The following DEPDC1 variants were observed in gnomAD, a reference collection of about 807,000 sequenced individuals.
DEPDC1 encodes DEP domain-containing protein 1A.
In DEPDC1, 66 loss-of-function variants were observed where a neutral mutation model predicts 86.8. The ratio of observed to expected loss-of-function variants is 0.76; its 90% CI spans 0.62 to 0.93. The LOEUF is 0.93. DEPDC1 is among the 40% of genes least tolerant of loss of function. The probability of loss-of-function intolerance (pLI) is 0.00; values close to 1 mark genes in which losing one functional copy is unlikely to be tolerated. For missense variants in DEPDC1, 792 were observed against 935.7 expected (o/e 0.85, Z 2.00); for synonymous variants, 255 against 314.9 (o/e 0.81, Z 2.02).
chr1:68,495,785 C>A (rs1001501707), intron 1 of DEPDC1, among the ~76,000 whole-genome samples: 5 of 152,140 alleles, frequency 3.3e-5, no homozygotes, highest in African/African-American at 1.2e-4. Flanking sequence ...ATCTCCTTAA[C>A]CACAAAACAG....
At position 68,481,467 on chromosome 1, in the gene DEPDC1, A is replaced by G; in HGVS notation, c.1908T>C (p.Leu636=). The change falls in exon 9 of 12, where the codon CTT becomes CTC. Residue 636 remains leucine (L), a synonymous_variant. Transcript: ENST00000456315. ...GTGACCTCGTACCCATTGCATCATG[A>G]AGTTTGGGCATATCAACATTTTGAC... The part of the protein sequence containing the change: ...RMSQNVDMPK[L]HDAMGTRSLM... The G allele has an allele frequency of 6.2e-7, 1 of 1,612,326 alleles. No homozygotes were observed. Among genetic ancestry groups the G allele is most frequent in the South Asian group, 1.1e-5 (1 of 90,980 alleles).
chr1:68,477,047 A>G lies in DEPDC1; in HGVS notation c.2321T>C (p.Ile774Thr). 6.2e-7 allele frequency: 1 copy of G among 1,606,484 alleles called. No individual in the cohort carries two copies. The highest frequency in any genetic ancestry group is 1.3e-5 in the African/African-American group (1 of 74,770). The change falls in exon 12 of 12, where the codon ATA becomes ACA. Residue 774 changes from isoleucine to threonine, a missense_variant. Ile to Thr is a moderately conservative substitution (Grantham distance 89, BLOSUM62 -1). Coordinates refer to ENST00000456315, the MANE Select transcript of DEPDC1 (RefSeq NM_001114120.3). The stretch of plus-strand genomic sequence containing the variant: ...CGTGGTTGGAAATCTTTTCTGATAT[A>G]TCAAAGGATATTCCTTCTGAAACTT... ...LKQFQKEYPL[I>T]YQKRFPTTES...
Position 68,482,900 on chromosome 1 carries a change from AC to A in DEPDC1, c.911-4del. The A allele has an allele frequency of 6.5e-7, 1 of 1,548,052 alleles. No homozygotes were observed. The highest frequency in any genetic ancestry group is 8.7e-7 in the Non-Finnish European group (1 of 1,152,432). ...AACTGTGATGTAGCCACAAACAACT[AC>A]CAGGAAATGAAACAAAAATTAAGAT... On this transcript the variant is annotated splice_region_variant and splice_polypyrimidine_tract_variant and intron_variant, in intron 7 of 11. Coordinates refer to ENST00000456315, the MANE Select transcript of DEPDC1 (RefSeq NM_001114120.3).
intron 6 of DEPDC1, 57 bp downstream of exon 6, chr1:68,486,880 T>C (rs1221012234): frequency 3.2e-6 from 4 of 1,245,642 alleles, no homozygotes; most frequent in Non-Finnish European, 4.1e-6. Flanking sequence ...ACTATCAATA[T>C]AACACACACA....
intron 2 of DEPDC1, among the ~76,000 whole-genome samples, chr1:68,492,527 T>C (rs1646236863): frequency 6.6e-6 from 1 of 151,776 alleles, no homozygotes; most frequent in African/African-American, 2.4e-5. Context: ...GGCAACATAG[T>C]GAAACCCCGT....
In DEPDC1 at chr1:68,496,807, C is replaced by T. The variant is rs1646268966; in HGVS notation, c.48+145G>A. On this transcript the variant is annotated intron_variant, in intron 1 of 11. Coordinates refer to ENST00000456315, the MANE Select transcript of DEPDC1 (RefSeq NM_001114120.3). The surrounding 1 kb of genome is among the most constrained non-coding windows in gnomAD (Gnocchi z 4.0). ...CAAGGGTTGCATACCCGCTACTTCT[C>T]CTCGCCAGCCTTTTCACTGAACCTA... 1.3e-6 allele frequency: 1 copy of T among 790,516 alleles called. No individual in the cohort carries two copies. The allele number at this position is 790,516 out of a possible 1,614,324, so 49.0% of individuals were successfully genotyped here.
chr1:68,486,542 T>G (rs1646193803), intron 6 of DEPDC1, among the ~76,000 whole-genome samples: 1 of 151,858 alleles, frequency 6.6e-6, no homozygotes, highest in Non-Finnish European at 1.5e-5. Flanking sequence ...TAACATAAAG[T>G]CACATTAATA....
At position 68,475,333 on chromosome 1, in the gene DEPDC1, C is replaced by T. The variant is rs1252488849; in HGVS notation, c.*1599G>A. 2 of 151,724 alleles carry T rather than the reference C, an allele frequency of 1.3e-5. No individual in the cohort carries two copies. The highest frequency in any genetic ancestry group is 2.9e-5 in the Non-Finnish European group (2 of 67,800). 9.4% of individuals were successfully genotyped at this position (151,724 alleles called of 1,614,324 possible). The stretch of plus-strand genomic sequence containing the variant: ...AGCAAAATTATATTGTTACAAAACC[C>T]CAAATAATTTTAATCTCAATTTGCA... On this transcript the variant is annotated 3_prime_UTR_variant, in exon 12 of 12. Transcript: ENST00000456315.
chr1:68,484,954 A>AT (rs1553156029), intron 6 of DEPDC1, among the ~76,000 whole-genome samples: 1 of 150,868 alleles, frequency 6.6e-6, no homozygotes, highest in African/African-American at 2.4e-5. Flanking sequence ...ATATATATAT[A>AT]TTTTTTAAAG....
Position 68,482,426 on chromosome 1 carries a change from G to A in DEPDC1, c.1382C>T (p.Pro461Leu). The A allele has an allele frequency of 6.2e-7, 1 of 1,612,658 alleles. No individual in the cohort carries two copies. The highest frequency in any genetic ancestry group is 8.5e-7 in the Non-Finnish European group (1 of 1,179,204). Residue 461 changes from proline (P) to leucine (L), a missense_variant, in exon 8 of 12, where the codon CCC becomes CTC. By Grantham distance (98) the Pro-to-Leu change is moderately conservative (BLOSUM62 -3). Transcript: ENST00000456315. Reference sequence around the variant, plus strand: ...AAGATTCAACAGGAATTCCTGTTTGGGCTTAGACTCTAAAAACAGTTTATT... The same window carrying A: ...AAGATTCAACAGGAATTCCTGTTTGAGCTTAGACTCTAAAAACAGTTTATT... The part of the protein sequence containing the change: ...QNNKLFLESK[P>L]KQEFLLNLHS...
intron 8 of DEPDC1, 197 bp downstream of exon 8, chr1:68,481,849 A>G: frequency 1.6e-6 from 1 of 624,050 alleles, no homozygotes; most frequent in Non-Finnish European, 2.5e-6. Context: ...GAATAAATGA[A>G]ATTGCAAAAA....
At position 68,486,983 on chromosome 1, in the gene DEPDC1, A is replaced by AT; in HGVS notation, c.722dup (p.Asp241GlufsTer2). 1 of 1,597,982 alleles carries AT rather than the reference A, an allele frequency of 6.3e-7. No homozygotes were observed. The highest frequency in any genetic ancestry group is 8.5e-7 in the Non-Finnish European group (1 of 1,174,476). On this transcript the variant is annotated frameshift_variant and splice_region_variant, in exon 6 of 12. Transcript: ENST00000456315. LOFTEE classifies it high-confidence loss of function. ...CAGATAATACCCAGTGAGGGAGGTC[A>AT]TCTACACAAAAAGAAAAATATTACT... is the stretch of plus-strand genomic sequence containing the variant.
At position 68,480,250 on chromosome 1, in the gene DEPDC1, T is replaced by TAAC. The variant is rs142939715; in HGVS notation, c.1936-931_1936-930insGTT. ...TTATATCTATGCAACCCTCTAACTG[T>TAAC]ACCACACACACACACACACACACAC... On this transcript the variant is annotated intron_variant, in intron 9 of 11. Coordinates refer to ENST00000456315, the MANE Select transcript of DEPDC1 (RefSeq NM_001114120.3). Among the ~76,000 whole-genome samples the TAAC allele has an allele frequency of 4.8e-3, 626 of 131,302 alleles. 1 individual carries two copies. The highest frequency in any genetic ancestry group is 0.013 in the African/African-American group (441 of 33,830). The allele number at this position is 131,302 out of a possible 152,430, so 86.1% of individuals were successfully genotyped here.
chr1:68,488,880 C>T, intron 4 of DEPDC1, 36 bp downstream of exon 4: 1 of 1,194,210 alleles, frequency 8.4e-7, no homozygotes, highest in African/African-American at 1.5e-5. Flanking sequence ...AATCAGAACA[C>T]ATCAGGAACT....
In DEPDC1 at chr1:68,494,412, T is replaced by C; in HGVS notation, c.314+18A>G. On this transcript the variant is annotated intron_variant, in intron 2 of 11. Transcript: ENST00000456315. ...CTTTACAGTAATTCAGTTTTACAGT[T>C]ACATATCTGTTCATTACCTGAAGAG... is the stretch of plus-strand genomic sequence containing the variant. 3 of 1,604,980 alleles carry C rather than the reference T, an allele frequency of 1.9e-6. No homozygotes were observed. Among genetic ancestry groups the C allele is most frequent in the Non-Finnish European group, 2.6e-6 (3 of 1,173,890 alleles).
chr1:68,493,943 G>A (rs1442656801), intron 2 of DEPDC1, among the ~76,000 whole-genome samples: 3 of 152,006 alleles, frequency 2.0e-5, no homozygotes, highest in Non-Finnish European at 4.4e-5. Context: ...AAGTTGATCC[G>A]CCCACCTCAG....
intron 9 of DEPDC1, among the ~76,000 whole-genome samples, chr1:68,480,862 TAAAAAA>T (rs923182828): frequency 1.3e-5 from 2 of 150,738 alleles, no homozygotes; most frequent in African/African-American, 4.9e-5. Context: ...AGTGGTGACT[TAAAAAA>T]AAAGAAAGAG....
At chr1:68,485,387 T>G (rs552279444) in intron 6 of DEPDC1, among the ~76,000 whole-genome samples, 27 of 152,198 alleles carry the variant, frequency 1.8e-4, no homozygotes, top group African/African-American at 4.8e-4. Flanking sequence ...GAAGATACTC[T>G]AAGCTTTGGC....
intron 10 of DEPDC1, among the ~76,000 whole-genome samples, chr1:68,478,510 G>T (rs1400279709): frequency 2.6e-5 from 4 of 151,162 alleles, no homozygotes; most frequent in African/African-American, 9.7e-5. Flanking sequence ...ATAAGAGAAA[G>T]AAATTCTAGG....
Sources: allele counts gnomAD v4.1 joint callset (sites outside exome capture counted in the v4.1 genomes callset), GRCh38; gene constraint gnomAD v4.1.1; non-coding constraint Gnocchi (gnomAD v3.1); transcripts MANE v1.5; gene names NCBI Gene and HGNC (gene_info 2026-07-23, HGNC 2026-07-21).